Variants in VCF1 observed in about 807,000 individuals in gnomAD.
VCF1 encodes VCP nuclear cofactor family member 1, also known as protein VCF1.
At chr17:73,232,291 C>T in the VCF1 span, 1 of 1,592,570 alleles carries the variant, frequency 6.3e-7, no homozygotes, top group Non-Finnish European at 8.6e-7. Flanking sequence ...CCGGCGTCTG[C>T]TCCGCGCCCC....
the VCF1 span, chr17:73,207,630 G>A: frequency 8.8e-7 from 1 of 1,135,296 alleles, no homozygotes; most frequent in Non-Finnish European, 1.2e-6. Context: ...CCTTTTAGTT[G>A]GGTGGGAAGT....
chr17:73,213,456 A>G, the VCF1 span, among the ~76,000 whole-genome samples: 16 of 152,322 alleles, frequency 1.1e-4, no homozygotes, highest in African/African-American at 3.8e-4. Flanking sequence ...TTCAGTTCAT[A>G]CTAAGCAGTA....
the VCF1 span, among the ~76,000 whole-genome samples, chr17:73,219,191 C>CAAAA: frequency 3.8e-4 from 16 of 41,798 alleles, 1 homozygote; most frequent in Non-Finnish European, 4.9e-4. Flanking sequence ...AACTCCGTCT[C>CAAAA]AAAAAAAAAA....
the VCF1 span, among the ~76,000 whole-genome samples, chr17:73,222,443 TAA>T: frequency 6.6e-6 from 1 of 151,874 alleles, no homozygotes; most frequent in Non-Finnish European, 1.5e-5. Context: ...AGCTTCTAGA[TAA>T]AAAGAGAAGG....
the VCF1 span, chr17:73,208,229 G>A: frequency 6.2e-7 from 1 of 1,605,534 alleles, no homozygotes; most frequent in Non-Finnish European, 8.5e-7. Flanking sequence ...GTGCCGTGTG[G>A]ACTCCGAGTG....
At chr17:73,232,264 C>G in the VCF1 span, 2 of 1,608,984 alleles carry the variant, frequency 1.2e-6, no homozygotes, top group Non-Finnish European at 1.7e-6. Context: ...TCAGTCGGAC[C>G]CGTACCACCA....
chr17:73,226,609 C>T, the VCF1 span, among the ~76,000 whole-genome samples: 187 of 152,282 alleles, frequency 1.2e-3, 3 homozygotes, highest in East Asian at 0.027. Context: ...CCTCAGTCTG[C>T]GTACTGAAGC....
At chr17:73,225,258 G>A in the VCF1 span, among the ~76,000 whole-genome samples, 265 of 152,290 alleles carry the variant, frequency 1.7e-3, no homozygotes, top group Non-Finnish European at 2.7e-3. Flanking sequence ...CTCAGCTAGA[G>A]AACCCAGGAG....
At chr17:73,223,164 A>C in the VCF1 span, among the ~76,000 whole-genome samples, 1 of 152,120 alleles carries the variant, frequency 6.6e-6, no homozygotes, top group African/African-American at 2.4e-5. Flanking sequence ...CTAAAAATAC[A>C]AAATTAGCAG....
At chr17:73,208,128 A>G in the VCF1 span, 2 of 1,470,338 alleles carry the variant, frequency 1.4e-6, no homozygotes, top group African/African-American at 2.8e-5. Flanking sequence ...TTTTGTCACA[A>G]AGGCTCATGC....
the VCF1 span, among the ~76,000 whole-genome samples, chr17:73,224,591 G>C: frequency 6.6e-6 from 1 of 152,116 alleles, no homozygotes; most frequent in African/African-American, 2.4e-5. Flanking sequence ...AATTAAAAAT[G>C]AATTGTTTTA....
At chr17:73,209,318 A>G in the VCF1 span, 3 of 629,528 alleles carry the variant, frequency 4.8e-6, no homozygotes, top group Admixed American at 3.0e-5. Context: ...AAAGAATCCT[A>G]TAAAAAATTG....
chr17:73,225,485 A>G, the VCF1 span, among the ~76,000 whole-genome samples: 6 of 152,216 alleles, frequency 3.9e-5, no homozygotes, highest in African/African-American at 1.2e-4. Context: ...AGCAAGAAAA[A>G]GATGGCAATT....
At chr17:73,209,846 G>A in the VCF1 span, 9 of 1,510,490 alleles carry the variant, frequency 6.0e-6, no homozygotes, top group East Asian at 2.5e-5. Flanking sequence ...CATGTACAGC[G>A]CTCTATTAAG....
chr17:73,220,634 G>A, the VCF1 span, among the ~76,000 whole-genome samples: 2 of 150,798 alleles, frequency 1.3e-5, no homozygotes, highest in South Asian at 2.1e-4. Flanking sequence ...TAGTAGAGAC[G>A]GGGTTTCACC....
chr17:73,232,227 G>T, the VCF1 span: 2 of 1,611,680 alleles, frequency 1.2e-6, no homozygotes, highest in Non-Finnish European at 8.5e-7. Flanking sequence ...AGCCGCTCGG[G>T]TGGACGCAGC....
chr17:73,210,367 C>T, the VCF1 span, among the ~76,000 whole-genome samples: 2 of 152,048 alleles, frequency 1.3e-5, no homozygotes, highest in Non-Finnish European at 2.9e-5. Context: ...TTCATATGTA[C>T]ATGTGTGTAC....
At chr17:73,229,976 T>C in the VCF1 span, among the ~76,000 whole-genome samples, 1 of 151,030 alleles carries the variant, frequency 6.6e-6, no homozygotes, top group Non-Finnish European at 1.5e-5. Context: ...AAATTCTCTC[T>C]ATATAAGAGA....
chr17:73,217,003 T>C, the VCF1 span, among the ~76,000 whole-genome samples: 1 of 152,208 alleles, frequency 6.6e-6, no homozygotes, highest in African/African-American at 2.4e-5. Flanking sequence ...GCTATGTGTA[T>C]ATTATCTAGA....
Sources: gnomAD v4.1 joint callset for allele counts (sites outside exome capture counted in the v4.1 genomes callset) on GRCh38, gnomAD v4.1.1 for gene constraint, MANE v1.5 for transcripts, NCBI Gene and HGNC (gene_info 2026-07-23, HGNC 2026-07-21) for gene names.